Variants in COL25A1 observed in about 807,000 individuals in gnomAD.
The protein encoded by COL25A1 is collagen alpha-1(XXV) chain.
In COL25A1, 103 loss-of-function variants were observed where a neutral mutation model predicts 128.4. The ratio of observed to expected loss-of-function variants is 0.80; its 90% CI spans 0.68 to 0.94. The LOEUF (loss-of-function observed/expected upper bound fraction) is 0.94, where lower values mean the gene tolerates loss of function less well. Among genes scored for constraint, COL25A1 ranks in the 40% least tolerant of loss-of-function variants. COL25A1 has a pLI of 0.00. For synonymous variants in COL25A1, 279 were observed against 277.2 expected, an observed-to-expected ratio of 1.01 and a Z score of -0.06; for missense variants, 745 against 840.0, an observed-to-expected ratio of 0.89 and a Z score of 1.40.
At chr4:108,974,082 A>G (rs1160469649) in intron 8 of COL25A1, among the ~76,000 whole-genome samples, 1 of 152,228 alleles carries the variant, frequency 6.6e-6, no homozygotes, top group Admixed American at 6.5e-5. Context: ...CTCAATAGTC[A>G]CGGGAAAGGT....
chr4:108,945,785 T>C (rs1748664768), intron 8 of COL25A1, among the ~76,000 whole-genome samples: 1 of 152,090 alleles, frequency 6.6e-6, no homozygotes, highest in Non-Finnish European at 1.5e-5. Flanking sequence ...TGCCTCAGCC[T>C]CCCCAGTAGG....
At chr4:109,107,059 C>T (rs973055238) in intron 3 of COL25A1, among the ~76,000 whole-genome samples, 10 of 152,100 alleles carry the variant, frequency 6.6e-5, no homozygotes, top group Non-Finnish European at 1.3e-4. Context: ...ATGAGCCACA[C>T]GACTAGCCCA....
At chr4:108,905,849 T>TGGGG (rs1553964863) in intron 13 of COL25A1, among the ~76,000 whole-genome samples, 1 of 97,514 alleles carries the variant, frequency 1.0e-5, no homozygotes, top group African/African-American at 4.7e-5. Context: ...GAGCAGTATG[T>TGGGG]CGGGGGGGGG....
chr4:109,168,446 T>C (rs1217831272), intron 3 of COL25A1, among the ~76,000 whole-genome samples: 1 of 152,220 alleles, frequency 6.6e-6, no homozygotes, highest in Non-Finnish European at 1.5e-5. Context: ...AAGTTATGAT[T>C]CTTCCTTTGA....
In COL25A1 at chr4:108,809,008, A is replaced by G; in HGVS notation, c.*4919T>C. 1 of 152,198 alleles carries G rather than the reference A, an allele frequency of 6.6e-6. No individual in the cohort carries two copies. Among genetic ancestry groups the G allele is most frequent in the East Asian group, 1.9e-4 (1 of 5,202 alleles). The allele number at this position is 152,198 out of a possible 1,614,324, so 9.4% of individuals were successfully genotyped here. On this transcript the variant is annotated 3_prime_UTR_variant, in exon 38 of 38. Transcript: ENST00000399132. ...AATGTCAGCTGGAGAAATTACAAGG[A>G]AATTAAAATAAAAATTGAACAGGGA...
intron 3 of COL25A1, among the ~76,000 whole-genome samples, chr4:109,186,507 G>T (rs1211316266): frequency 5.3e-5 from 8 of 152,090 alleles, no homozygotes; most frequent in Non-Finnish European, 1.2e-4. Context: ...TCCTATAAAA[G>T]CATCCCAACA....
At chr4:109,035,347 GA>G (rs1459572994) in intron 5 of COL25A1, among the ~76,000 whole-genome samples, 7 of 152,246 alleles carry the variant, frequency 4.6e-5, no homozygotes, top group Admixed American at 3.9e-4. Flanking sequence ...ATAAATCATT[GA>G]AAGTATTAAA....
intron 3 of COL25A1, among the ~76,000 whole-genome samples, chr4:109,105,862 T>C (rs1766379401): frequency 6.6e-6 from 1 of 152,222 alleles, no homozygotes; most frequent in South Asian, 2.1e-4. Context: ...ACTTCTTTTA[T>C]GAAACCGATC....
intron 3 of COL25A1, among the ~76,000 whole-genome samples, chr4:109,155,240 G>A (rs1771918216): frequency 1.3e-5 from 2 of 152,100 alleles, no homozygotes; most frequent in African/African-American, 2.4e-5. Flanking sequence ...CTACAAGAAC[G>A]CTACAGACCC....
chr4:108,826,946 G>A (rs933397060), intron 33 of COL25A1, among the ~76,000 whole-genome samples, 189 bp downstream of exon 33: 2 of 152,208 alleles, frequency 1.3e-5, no homozygotes, highest in African/African-American at 4.8e-5. Flanking sequence ...GTCTGTACAT[G>A]ATGAGAGGGC....
intron 3 of COL25A1, among the ~76,000 whole-genome samples, chr4:109,051,314 T>C (rs1760959817): frequency 6.6e-6 from 1 of 152,138 alleles, no homozygotes; most frequent in Admixed American, 6.5e-5. Context: ...GGCAGTTAGT[T>C]TCCTTCCAGT....
At chr4:109,165,533 T>C (rs1291303498) in intron 3 of COL25A1, among the ~76,000 whole-genome samples, 1 of 151,990 alleles carries the variant, frequency 6.6e-6, no homozygotes, top group Admixed American at 6.5e-5. Flanking sequence ...CTGGGCAACA[T>C]ACTGAGACCC....
chr4:108,906,602 A>G (rs910965123), intron 13 of COL25A1, among the ~76,000 whole-genome samples: 1 of 152,264 alleles, frequency 6.6e-6, no homozygotes, highest in Non-Finnish European at 1.5e-5. Flanking sequence ...ATAAATAATG[A>G]ATCATATTTT....
chr4:108,939,536 A>G lies in COL25A1; in HGVS notation c.672+1003T>C, dbSNP rs535823720. ...TGCATATAAAAATGAAAGAAAATAT[A>G]CCAAAACATTAATGAGTATTGTAAA... is the stretch of plus-strand genomic sequence containing the variant. On this transcript the variant is annotated intron_variant, in intron 10 of 37. Coordinates refer to ENST00000399132, the MANE Select transcript of COL25A1 (RefSeq NM_198721.4). 1.6e-4 allele frequency among the ~76,000 whole-genome samples: 25 copies of G among 152,328 alleles called. 1 individual carries two copies. Among genetic ancestry groups the G allele is most frequent in the African/African-American group, 5.5e-4 (23 of 41,582 alleles).
intron 5 of COL25A1, among the ~76,000 whole-genome samples, chr4:109,017,007 T>G (rs143967005): frequency 3.6e-4 from 55 of 152,330 alleles, no homozygotes; most frequent in African/African-American, 1.3e-3. Flanking sequence ...CTGTGGCCCT[T>G]CAGGGAGCCC....
chr4:108,969,390 G>A (rs1351127385), intron 8 of COL25A1, among the ~76,000 whole-genome samples: 3 of 152,136 alleles, frequency 2.0e-5, no homozygotes, highest in Non-Finnish European at 2.9e-5. Context: ...CTTGAAGCAG[G>A]CTTCCTGCAA....
chr4:109,153,325 G>A (rs1228209864), intron 3 of COL25A1, among the ~76,000 whole-genome samples: 1 of 150,044 alleles, frequency 6.7e-6, no homozygotes, highest in African/African-American at 2.5e-5. Flanking sequence ...AGGTTGTGGT[G>A]AGCCAAGACC....
intron 32 of COL25A1, among the ~76,000 whole-genome samples, chr4:108,829,080 A>G (rs1732740749): frequency 6.6e-6 from 1 of 152,260 alleles, no homozygotes; most frequent in Non-Finnish European, 1.5e-5. Flanking sequence ...AATTGCACTC[A>G]GCACAGTGGC....
intron 24 of COL25A1, 43 bp from the exon 25 acceptor site, chr4:108,852,968 G>C: frequency 6.4e-7 from 1 of 1,550,778 alleles, no homozygotes; most frequent in Non-Finnish European, 8.9e-7. Flanking sequence ...TATCTATTTT[G>C]TGTGCCAAAG....
Sources: gnomAD v4.1 joint callset for allele counts (sites outside exome capture counted in the v4.1 genomes callset) on GRCh38, gnomAD v4.1.1 for gene constraint, MANE v1.5 for transcripts, NCBI Gene and HGNC (gene_info 2026-07-23, HGNC 2026-07-21) for gene names.